The following SGCD variants were observed in gnomAD, a reference collection of about 807,000 sequenced individuals.
SGCD encodes delta-sarcoglycan.
SGCD carries 18 observed loss-of-function variants against 36.6 expected under a neutral mutation model. The ratio of observed to expected loss-of-function variants is 0.49; its 90% CI spans 0.34 to 0.73. SGCD has a LOEUF of 0.73. Among genes scored for constraint, SGCD ranks in the 30% least tolerant of loss-of-function variants. The pLI is 0.01. For missense variants in SGCD, 387 were observed against 346.7 expected (o/e 1.12, Z -0.92); for synonymous variants, 133 against 130.6 (o/e 1.02, Z -0.12).
chr5:156,514,577 G>A lies in SGCD; in HGVS notation c.294+5875G>A, dbSNP rs140103293. 2.0e-3 allele frequency among the ~76,000 whole-genome samples: 308 copies of A among 152,230 alleles called. 1 individual carries two copies. The highest frequency in any genetic ancestry group is 7.2e-3 in the African/African-American group (299 of 41,536). On this transcript the variant is annotated intron_variant, in intron 4 of 8. Coordinates refer to ENST00000337851, the MANE Select transcript of SGCD (RefSeq NM_000337.6). ...TATGTCTTTTAAAATATTTTATCCC[G>A]TAAAAAATCTTGGCTCTGCCTATCG... is the stretch of plus-strand genomic sequence containing the variant.
chr5:156,330,996 GT>G (rs1768044058), intron 2 of SGCD, among the ~76,000 whole-genome samples: 1 of 152,180 alleles, frequency 6.6e-6, no homozygotes, highest in Non-Finnish European at 1.5e-5. Context: ...ACTTAGCATT[GT>G]CTTTTGCACA....
At chr5:156,486,499 TCTC>T (rs1755665643) in intron 3 of SGCD, among the ~76,000 whole-genome samples, 1 of 151,934 alleles carries the variant, frequency 6.6e-6, no homozygotes, top group Non-Finnish European at 1.5e-5. Flanking sequence ...AACCTGAGGA[TCTC>T]CTCTGCCTAT....
Position 156,469,603 on chromosome 5 carries a change from A to G in SGCD, c.193-38998A>G, listed in dbSNP as rs114967304. ...AATTGCACCATGGGGCAGAAATACA[A>G]TAGCTAATACGCATTTATCTTTTCC... is the stretch of plus-strand genomic sequence containing the variant. On this transcript the variant is annotated intron_variant, in intron 3 of 8. Transcript: ENST00000337851. Among the ~76,000 whole-genome samples, 795 of 152,360 alleles carry G rather than the reference A, an allele frequency of 5.2e-3. 6 individuals are homozygous for G. The highest frequency in any genetic ancestry group is 0.018 in the African/African-American group (738 of 41,590).
At chr5:156,156,340 C>T (rs965702235) in intron 3 of SGCD, among the ~76,000 whole-genome samples, 4 of 151,522 alleles carry the variant, frequency 2.6e-5, no homozygotes, top group African/African-American at 9.8e-5. Flanking sequence ...AATATTAAAA[C>T]AGCTGTGGCT....
chr5:156,740,693 T>C (rs954748014), intron 7 of SGCD, among the ~76,000 whole-genome samples: 16 of 152,236 alleles, frequency 1.1e-4, no homozygotes, highest in Admixed American at 9.8e-4. Flanking sequence ...CTATTCACAT[T>C]TGAAGATCTG....
At chr5:156,219,083 C>T (rs1764653385) in intron 3 of SGCD, among the ~76,000 whole-genome samples, 1 of 152,128 alleles carries the variant, frequency 6.6e-6, no homozygotes, top group African/African-American at 2.4e-5. Context: ...TGGACAGTTT[C>T]TTACTGTATT....
At chr5:156,356,983 G>T (rs1187863771) in intron 3 of SGCD, among the ~76,000 whole-genome samples, 1 of 152,180 alleles carries the variant, frequency 6.6e-6, no homozygotes, top group East Asian at 1.9e-4. Flanking sequence ...CAGAGGGCTT[G>T]GAATTCTGGC....
the SGCD span, among the ~76,000 whole-genome samples, chr5:155,789,447 A>G: frequency 6.6e-6 from 1 of 152,152 alleles, no homozygotes; most frequent in African/African-American, 2.4e-5. Context: ...ATTATTATTG[A>G]AAGAGAAACA....
intron 3 of SGCD, among the ~76,000 whole-genome samples, chr5:156,225,773 G>T (rs962837546): frequency 6.6e-6 from 1 of 151,576 alleles, no homozygotes; most frequent in Admixed American, 6.6e-5. Context: ...GAGAATTTTT[G>T]ATTTAGACTC....
At chr5:156,487,813 A>AGAAAAAAG (rs376658231) in intron 3 of SGCD, among the ~76,000 whole-genome samples, 1 of 77,800 alleles carries the variant, frequency 1.3e-5, no homozygotes. Context: ...AAAAAAAAAA[A>AGAAAAAAG]AAAGAAAGAA....
chr5:156,504,920 C>T (rs979574933), intron 3 of SGCD, among the ~76,000 whole-genome samples: 5 of 152,130 alleles, frequency 3.3e-5, no homozygotes, highest in African/African-American at 9.7e-5. Context: ...GTTTAGTAAT[C>T]GTATCATGCA....
At chr5:156,544,061 C>T (rs1052798102) in intron 4 of SGCD, among the ~76,000 whole-genome samples, 1 of 152,174 alleles carries the variant, frequency 6.6e-6, no homozygotes, top group African/African-American at 2.4e-5. Flanking sequence ...TATGTTTATA[C>T]ACAGAAGTGA....
the SGCD span, among the ~76,000 whole-genome samples, chr5:155,796,241 A>G: frequency 6.6e-6 from 1 of 152,210 alleles, no homozygotes; most frequent in Non-Finnish European, 1.5e-5. Context: ...CTTCTAGTTT[A>G]TTCAGATTAT....
chr5:156,417,113 AT>A (rs1458876509), intron 3 of SGCD, among the ~76,000 whole-genome samples: 2 of 152,174 alleles, frequency 1.3e-5, no homozygotes, highest in East Asian at 3.9e-4. Flanking sequence ...AAAAAAATGT[AT>A]TTGAGAAAAC....
chr5:156,606,238 G>A (rs1019167049), intron 6 of SGCD, among the ~76,000 whole-genome samples: 1 of 152,116 alleles, frequency 6.6e-6, no homozygotes, highest in Non-Finnish European at 1.5e-5. Context: ...TCTAAGGAAG[G>A]GATCCAGTTT....
intron 1 of SGCD, among the ~76,000 whole-genome samples, chr5:156,027,669 T>C (rs986573249): frequency 1.3e-5 from 2 of 152,152 alleles, no homozygotes; most frequent in African/African-American, 4.8e-5. Context: ...AAAGAATGAA[T>C]GATCTAATGA....
the SGCD span, among the ~76,000 whole-genome samples, chr5:155,732,570 C>G: frequency 6.6e-6 from 1 of 152,158 alleles, no homozygotes; most frequent in Non-Finnish European, 1.5e-5. Context: ...GAACTTGGAC[C>G]AGCACCCAGT....
intron 7 of SGCD, among the ~76,000 whole-genome samples, chr5:156,701,003 C>G (rs1286093626): frequency 6.6e-6 from 1 of 151,740 alleles, no homozygotes; most frequent in African/African-American, 2.4e-5. Flanking sequence ...TGCATATCTC[C>G]CCTTGCAATC....
At chr5:156,574,643 T>C (rs1317826282) in intron 4 of SGCD, among the ~76,000 whole-genome samples, 2 of 152,282 alleles carry the variant, frequency 1.3e-5, no homozygotes, top group South Asian at 4.1e-4. Flanking sequence ...CCCTGTGTTA[T>C]TCTGATTTTT....
Sources: allele counts gnomAD v4.1 joint callset (sites outside exome capture counted in the v4.1 genomes callset), GRCh38; gene constraint gnomAD v4.1.1; transcripts MANE v1.5; gene names NCBI Gene and HGNC (gene_info 2026-07-23, HGNC 2026-07-21).